The following ZDHHC11 variants were observed in gnomAD, a reference collection of about 807,000 sequenced individuals.
The protein encoded by ZDHHC11 is palmitoyltransferase ZDHHC11.
ZDHHC11 carries 44 observed loss-of-function variants against 51.3 expected under a neutral mutation model. The ratio of observed to expected loss-of-function variants is 0.86; its 90% CI spans 0.67 to 1.10. The LOEUF (loss-of-function observed/expected upper bound fraction) is 1.10, where lower values mean the gene tolerates loss of function less well. Ranked by LOEUF, ZDHHC11 falls within the 50% of genes least tolerant of loss-of-function variation. The pLI is 0.00. For missense variants in ZDHHC11, 400 were observed against 537.7 expected, an observed-to-expected ratio of 0.74 and a Z score of 2.53; for synonymous variants, 163 against 222.0, an observed-to-expected ratio of 0.73 and a Z score of 2.36.
At chr5:838,325 C>T (rs1744212698) in intron 5 of ZDHHC11, among the ~76,000 whole-genome samples, 1 of 152,058 alleles carries the variant, frequency 6.6e-6, no homozygotes, top group Non-Finnish European at 1.5e-5. Flanking sequence ...CTATTTCAGC[C>T]ACGAGCTTCC....
intron 11 of ZDHHC11, among the ~76,000 whole-genome samples, chr5:809,487 C>T (rs1193418189): frequency 3.3e-5 from 5 of 150,284 alleles, no homozygotes; most frequent in African/African-American, 9.9e-5. Context: ...ACTCTCAACT[C>T]CCTGCCTTGT....
At chr5:856,478 CCA>C (rs1246143274) in intron 1 of ZDHHC11, among the ~76,000 whole-genome samples, 2 of 150,954 alleles carry the variant, frequency 1.3e-5, no homozygotes, top group African/African-American at 2.4e-5. Flanking sequence ...ACACACGAGA[CCA>C]CACAATCCAC....
chr5:844,636 G>A (rs541198074), intron 3 of ZDHHC11, among the ~76,000 whole-genome samples: 6 of 152,414 alleles, frequency 3.9e-5, no homozygotes, highest in South Asian at 4.1e-4. Context: ...CGAGAGTGCC[G>A]TGGCACCCAG....
At chr5:854,750 G>A (rs536112573), upstream of ZDHHC11, among the ~76,000 whole-genome samples, 24 of 144,848 alleles carry the variant, frequency 1.7e-4, no homozygotes, top group Admixed American at 5.5e-4. Flanking sequence ...AGACCCCACC[G>A]AGGACAGCGA....
Position 850,759 on chromosome 5 carries a change from G to A in ZDHHC11, c.-157C>T, listed in dbSNP as rs1579817096. On this transcript the variant is annotated 5_prime_UTR_variant, in exon 1 of 13. Coordinates refer to ENST00000283441, the MANE Select transcript of ZDHHC11 (RefSeq NM_024786.3). ...TGCCTGGGGCCACGTTCCCCGCAGA[G>A]GGAGCAGGGGCTGGGCTGGAGTCGG... is the stretch of plus-strand genomic sequence containing the variant. 1.1e-6 allele frequency: 1 copy of A among 893,338 alleles called. No homozygotes were observed. Among genetic ancestry groups the A allele is most frequent in the Admixed American group, 2.7e-5 (1 of 37,064 alleles). The allele number at this position is 893,338 out of a possible 1,614,324, so 55.3% of individuals were successfully genotyped here. A position where few individuals can be genotyped will look rare whatever the true frequency, so the allele number is the denominator to read the frequency against.
Position 819,390 on chromosome 5 carries a change from C to G in ZDHHC11, c.1146+135G>C, listed in dbSNP as rs1741265996. On this transcript the variant is annotated intron_variant, in intron 10 of 12. Coordinates refer to ENST00000283441, the MANE Select transcript of ZDHHC11 (RefSeq NM_024786.3). ...CTTCTGTGCTCCACCCACCATCATT[C>G]CCATGTGAGCAGCACCCTTGGACAC... The G allele has an allele frequency of 6.8e-6, 6 of 888,278 alleles. No individual in the cohort carries two copies. In the Middle Eastern group the frequency reaches 1.1e-3, roughly 164 times the overall value. The allele number at this position is 888,278 out of a possible 1,614,324, so 55.0% of individuals were successfully genotyped here. A position where few individuals can be genotyped will look rare whatever the true frequency, so the allele number is the denominator to read the frequency against.
intron 5 of ZDHHC11, among the ~76,000 whole-genome samples, chr5:839,001 G>A (rs1489663448): frequency 1.4e-5 from 2 of 138,062 alleles, no homozygotes; most frequent in Non-Finnish European, 3.1e-5. Flanking sequence ...AGACCATGTG[G>A]CCTCGGCCCA....
chr5:855,028 G>A (rs1579844932), upstream of ZDHHC11, among the ~76,000 whole-genome samples: 1 of 132,930 alleles, frequency 7.5e-6, no homozygotes, highest in African/African-American at 2.9e-5. Context: ...GAGCCAGGGG[G>A]ACAGAACCCA....
intron 9 of ZDHHC11, among the ~76,000 whole-genome samples, chr5:820,676 C>G (rs1741450791): frequency 6.6e-6 from 1 of 151,266 alleles, no homozygotes; most frequent in Non-Finnish European, 1.5e-5. Flanking sequence ...GTGGTCCCCT[C>G]CCAATGGAAA....
upstream of ZDHHC11, among the ~76,000 whole-genome samples, chr5:859,273 C>T (rs181432199): frequency 3.7e-4 from 56 of 152,234 alleles, no homozygotes; most frequent in African/African-American, 1.2e-3. Context: ...CTTAGCCGCC[C>T]TCACCTGAAC....
intron 3 of ZDHHC11, among the ~76,000 whole-genome samples, chr5:845,637 C>T (rs1187062589): frequency 6.6e-6 from 1 of 152,054 alleles, no homozygotes; most frequent in Non-Finnish European, 1.5e-5. Flanking sequence ...TCAGCTGGGC[C>T]TCCCCATGGG....
At chr5:819,438 T>A in intron 10 of ZDHHC11, 87 bp downstream of exon 10, 1 of 1,422,676 alleles carries the variant, frequency 7.0e-7, no homozygotes, top group East Asian at 2.3e-5. Flanking sequence ...TTTTGAATAC[T>A]ACCTTAACCT....
intron 11 of ZDHHC11, among the ~76,000 whole-genome samples, chr5:813,092 T>A (rs1740303007): frequency 1.4e-5 from 2 of 145,110 alleles, no homozygotes; most frequent in South Asian, 4.4e-4. Flanking sequence ...GTCCCAACAC[T>A]TTAGGAGGCT....
intron 7 of ZDHHC11, 136 bp from the exon 8 acceptor site, chr5:825,387 G>C: frequency 1.2e-6 from 1 of 865,114 alleles, no homozygotes; most frequent in South Asian, 1.5e-5. Context: ...TAGACCAGCA[G>C]CTCCTGGGAG....
chr5:860,115 C>G (rs1039662425), upstream of ZDHHC11, among the ~76,000 whole-genome samples: 1 of 152,180 alleles, frequency 6.6e-6, no homozygotes, highest in East Asian at 1.9e-4. The surrounding 1 kb of genome is among the most constrained non-coding windows in gnomAD (Gnocchi z 4.2). Context: ...GGGGCACACA[C>G]GAGGTACACA....
intron 10 of ZDHHC11, chr5:817,001 G>A: frequency 4.4e-6 from 1 of 228,174 alleles, no homozygotes; most frequent in East Asian, 1.1e-4. Flanking sequence ...ACATCAAATA[G>A]CCCTCTTTCT....
chr5:802,872 A>AAAAAAAAAAAAAAAAAC (rs1561228390), intron 11 of ZDHHC11, among the ~76,000 whole-genome samples: 2 of 110,648 alleles, frequency 1.8e-5, no homozygotes, highest in Admixed American at 1.1e-4. Context: ...AAAAAAAAAA[A>AAAAAAAAAAAAAAAAAC]AAGCTAAATG....
At chr5:814,178 A>C (rs902507850) in intron 11 of ZDHHC11, among the ~76,000 whole-genome samples, 1 of 146,328 alleles carries the variant, frequency 6.8e-6, no homozygotes, top group African/African-American at 2.6e-5. Flanking sequence ...ATGTTCTGTG[A>C]GAAGTGTATC....
chr5:807,892 G>C (rs1255328469), intron 11 of ZDHHC11, among the ~76,000 whole-genome samples: 1 of 150,556 alleles, frequency 6.6e-6, no homozygotes, highest in Non-Finnish European at 1.5e-5. Flanking sequence ...TGAAGAGTGA[G>C]AGAGGTCAGC....
Sources: gnomAD v4.1 joint callset for allele counts (sites outside exome capture counted in the v4.1 genomes callset) on GRCh38, gnomAD v4.1.1 for gene constraint, Gnocchi (gnomAD v3.1) non-coding constraint, MANE v1.5 for transcripts, NCBI Gene and HGNC (gene_info 2026-07-23, HGNC 2026-07-21) for gene names.